The following MSRA variants were observed in gnomAD, a reference collection of about 807,000 sequenced individuals.
The protein encoded by MSRA is methionine sulfoxide reductase A.
A neutral mutation model predicts 31.3 loss-of-function variants in MSRA; 54 were observed. That is an observed-to-expected ratio of 1.73 (90% CI 1.39 to 2.17). The LOEUF (loss-of-function observed/expected upper bound fraction) is 2.17, where lower values mean the gene tolerates loss of function less well. Among genes scored for constraint, MSRA ranks in the 30% most tolerant of loss-of-function variants. The pLI is 0.00. For missense variants in MSRA, 507 were observed against 300.9 expected (o/e 1.69, Z -5.07); for synonymous variants, 169 against 116.5 (o/e 1.45, Z -2.90).
At chr8:10,173,057 AT>A (rs771119928) in intron 1 of MSRA, among the ~76,000 whole-genome samples, 26 of 152,254 alleles carry the variant, frequency 1.7e-4, no homozygotes, top group Non-Finnish European at 2.6e-4. Context: ...TATAAAGACC[AT>A]TTAAAATAGC....
chr8:10,158,829 G>A (rs1461286186), intron 1 of MSRA, among the ~76,000 whole-genome samples: 1 of 152,148 alleles, frequency 6.6e-6, no homozygotes, highest in African/African-American at 2.4e-5. Context: ...AAGTAGGTGT[G>A]CTATTTTTCA....
chr8:10,247,185 T>C (rs746474672), intron 3 of MSRA, among the ~76,000 whole-genome samples: 30 of 152,228 alleles, frequency 2.0e-4, no homozygotes, highest in South Asian at 4.1e-4. Flanking sequence ...ATAAGCACTT[T>C]TTCTGTCTTT....
intron 5 of MSRA, among the ~76,000 whole-genome samples, chr8:10,382,901 G>C (rs991516249): frequency 5.3e-5 from 8 of 152,198 alleles, no homozygotes; most frequent in East Asian, 1.9e-4. Flanking sequence ...TCCACCGCCA[G>C]CTCCCTTTCA....
rs567430844 is a variant in MSRA, at chr8:10,161,737, C to T, written c.143-46096C>T. On this transcript the variant is annotated intron_variant, in intron 1 of 5. Coordinates refer to ENST00000317173, the MANE Select transcript of MSRA (RefSeq NM_012331.5). ...AGCCAGGCTGACCTTCCTTGGGTCTCGGGGTGTCTGCATCTGGGCAGCGAT... is the reference window on the plus strand; with the variant it reads ...AGCCAGGCTGACCTTCCTTGGGTCTTGGGGTGTCTGCATCTGGGCAGCGAT... Among the ~76,000 whole-genome samples the T allele has an allele frequency of 6.6e-4, 100 of 152,140 alleles. 1 individual carries two copies. In the South Asian group the frequency reaches 0.013, roughly 20 times the overall value.
intron 5 of MSRA, among the ~76,000 whole-genome samples, chr8:10,372,681 T>C (rs1031082497): frequency 7.2e-5 from 11 of 152,212 alleles, no homozygotes; most frequent in African/African-American, 1.2e-4. Flanking sequence ...GTAACAGTGA[T>C]GTGAAACAGA....
At chr8:10,219,961 A>T in intron 2 of MSRA, among the ~76,000 whole-genome samples, 1 of 151,952 alleles carries the variant, frequency 6.6e-6, no homozygotes, top group Non-Finnish European at 1.5e-5. Flanking sequence ...TGGAAATGTT[A>T]CCACTGAAAG....
At chr8:10,244,654 T>C (rs975507631) in intron 2 of MSRA, among the ~76,000 whole-genome samples, 6 of 152,204 alleles carry the variant, frequency 3.9e-5, no homozygotes, top group African/African-American at 1.2e-4. Flanking sequence ...TGAATTTATG[T>C]TGATTTTGGA....
At chr8:10,162,192 C>G (rs777969530) in intron 1 of MSRA, among the ~76,000 whole-genome samples, 10 of 152,166 alleles carry the variant, frequency 6.6e-5, no homozygotes, top group Non-Finnish European at 4.4e-5. Context: ...TCCTGCCACT[C>G]TGAGCCAAGG....
chr8:10,368,705 A>T (rs1029231093), intron 5 of MSRA, among the ~76,000 whole-genome samples: 1 of 152,262 alleles, frequency 6.6e-6, no homozygotes, highest in Non-Finnish European at 1.5e-5. Context: ...AACAGTTTGT[A>T]TCTGATCCTG....
intron 1 of MSRA, among the ~76,000 whole-genome samples, chr8:10,059,453 T>G (rs952514498): frequency 2.0e-5 from 3 of 152,222 alleles, no homozygotes; most frequent in African/African-American, 7.2e-5. Flanking sequence ...CGTAGTCAGT[T>G]TGGCTATAGA....
At chr8:10,333,952 C>G (rs1585501688) in intron 5 of MSRA, among the ~76,000 whole-genome samples, 1 of 152,188 alleles carries the variant, frequency 6.6e-6, no homozygotes, top group South Asian at 2.1e-4. Flanking sequence ...TTTTCCCATT[C>G]TCCAACACAT....
At chr8:10,106,294 G>A (rs1021103817) in intron 1 of MSRA, among the ~76,000 whole-genome samples, 2 of 152,152 alleles carry the variant, frequency 1.3e-5, no homozygotes, top group African/African-American at 4.8e-5. Flanking sequence ...TTTACTGCAG[G>A]GAGTGAGCCT....
intron 3 of MSRA, among the ~76,000 whole-genome samples, chr8:10,268,596 T>A (rs1393039233): frequency 6.6e-6 from 1 of 152,244 alleles, no homozygotes; most frequent in Non-Finnish European, 1.5e-5. Flanking sequence ...AAGTTGCTGC[T>A]AATTGACTAA....
At chr8:10,406,076 C>A (rs1447865539) in intron 5 of MSRA, among the ~76,000 whole-genome samples, 1 of 152,254 alleles carries the variant, frequency 6.6e-6, no homozygotes, top group African/African-American at 2.4e-5. Context: ...TTAGTGGGAA[C>A]TAAAGAGTTT....
chr8:10,303,834 A>G (rs576826434), intron 4 of MSRA, among the ~76,000 whole-genome samples: 2 of 152,364 alleles, frequency 1.3e-5, no homozygotes, highest in East Asian at 3.9e-4. Flanking sequence ...TTTCTATTAC[A>G]TGTAACAGTA....
At chr8:10,406,532 G>A (rs963135184) in intron 5 of MSRA, among the ~76,000 whole-genome samples, 5 of 152,144 alleles carry the variant, frequency 3.3e-5, no homozygotes, top group Admixed American at 3.3e-4. Flanking sequence ...GCAGGCTGGG[G>A]GTTACATCCA....
intron 4 of MSRA, among the ~76,000 whole-genome samples, chr8:10,301,946 T>C (rs1447203521): frequency 6.6e-6 from 1 of 152,258 alleles, no homozygotes; most frequent in African/African-American, 2.4e-5. Context: ...CTTAATGCAG[T>C]CTTTTGTCTA....
At chr8:10,079,944 T>C (rs1054227591) in intron 1 of MSRA, among the ~76,000 whole-genome samples, 1 of 152,220 alleles carries the variant, frequency 6.6e-6, no homozygotes, top group Non-Finnish European at 1.5e-5. Context: ...GGCTCTTTTT[T>C]CCTCCTGACC....
intron 1 of MSRA, among the ~76,000 whole-genome samples, chr8:10,127,998 G>A (rs1801622396): frequency 6.6e-6 from 1 of 152,056 alleles, no homozygotes; most frequent in Admixed American, 6.6e-5. Flanking sequence ...GGACCCACCT[G>A]TGACCGTGGT....
Sources: gnomAD v4.1 joint callset for allele counts (sites outside exome capture counted in the v4.1 genomes callset) on GRCh38, gnomAD v4.1.1 for gene constraint, MANE v1.5 for transcripts, NCBI Gene and HGNC (gene_info 2026-07-23, HGNC 2026-07-21) for gene names.